Variants in CPAMD8 observed in about 807,000 individuals in gnomAD.
CPAMD8 encodes the protein C3 and PZP-like alpha-2-macroglobulin domain-containing protein 8.
A neutral mutation model predicts 224.7 loss-of-function variants in CPAMD8; 146 were observed. The ratio of observed to expected loss-of-function variants is 0.65; its 90% CI spans 0.57 to 0.75. The LOEUF (loss-of-function observed/expected upper bound fraction) is 0.75, where lower values mean the gene tolerates loss of function less well. Ranked by LOEUF, CPAMD8 falls within the 30% of genes least tolerant of loss-of-function variation. The pLI is 0.00. For synonymous variants in CPAMD8, 966 were observed against 1,044.6 expected, an observed-to-expected ratio of 0.92 and a Z score of 1.45; for missense variants, 2,301 against 2,537.5, an observed-to-expected ratio of 0.91 and a Z score of 2.00.
chr19:16,933,079 G>A (rs1271007867), intron 23 of CPAMD8, among the ~76,000 whole-genome samples: 1 of 152,016 alleles, frequency 6.6e-6, no homozygotes, highest in Non-Finnish European at 1.5e-5. Flanking sequence ...GAGGCCAGGA[G>A]TTCAAGACCA....
chr19:16,906,407 T>TTTCCTTCCTTCCTTCCTTCCTTCCTTCC (rs553500267), intron 30 of CPAMD8, among the ~76,000 whole-genome samples: 8 of 69,886 alleles, frequency 1.1e-4, no homozygotes, highest in Non-Finnish European at 1.4e-4. Flanking sequence ...TCTTTCTTTC[T>TTTCCTTCCTTCCTTCCTTCCTTCCTTCC]TTCCTTCCTT....
intron 8 of CPAMD8, among the ~76,000 whole-genome samples, chr19:17,003,434 G>A (rs1278484311): frequency 6.6e-6 from 1 of 151,622 alleles, no homozygotes; most frequent in Non-Finnish European, 1.5e-5. Context: ...CTGGCCTCAA[G>A]CGATCCTCCA....
At chr19:16,970,507 C>A (rs1334068797) in intron 18 of CPAMD8, among the ~76,000 whole-genome samples, 2 of 151,798 alleles carry the variant, frequency 1.3e-5, no homozygotes, top group African/African-American at 4.8e-5. Flanking sequence ...ATCACTTGAA[C>A]CTGGGAGGTG....
intron 22 of CPAMD8, among the ~76,000 whole-genome samples, chr19:16,939,149 TTTTATTTATTTATTTATTTATTTA>T (rs35025434): frequency 1.4e-5 from 2 of 146,798 alleles, no homozygotes; most frequent in East Asian, 2.0e-4. Context: ...GGATGGTCAA[TTTTATTTATTTATTTATTTATTTA>T]TTTATTTATT....
At chr19:16,980,727 A>G in intron 13 of CPAMD8, 41 bp from the exon 14 acceptor site, 1 of 1,454,112 alleles carries the variant, frequency 6.9e-7, no homozygotes, top group Non-Finnish European at 9.2e-7. Context: ...GCCTCGCACC[A>G]ATGTTGCAAC....
intron 22 of CPAMD8, among the ~76,000 whole-genome samples, chr19:16,942,013 C>T (rs901129269): frequency 5.9e-5 from 9 of 151,906 alleles, no homozygotes; most frequent in African/African-American, 1.9e-4. Flanking sequence ...TGTGAAGCAC[C>T]TCCCCTTCCC....
At position 16,986,263 on chromosome 19, in the gene CPAMD8, T is replaced by C. The variant is rs139800757; in HGVS notation, c.1395+3380A>G. 7.6e-3 allele frequency among the ~76,000 whole-genome samples: 1,163 copies of C among 152,222 alleles called. 16 individuals carry two copies. The highest frequency in any genetic ancestry group is 0.026 in the African/African-American group (1,074 of 41,548). ...CCAGCATGAACCCATCTTCCCTCCA[T>C]GCCCTGAGGTTGTGCCCGGGCCCCT... On this transcript the variant is annotated intron_variant, in intron 13 of 41. Coordinates refer to ENST00000443236, the MANE Select transcript of CPAMD8 (RefSeq NM_015692.5).
At chr19:17,021,191 A>C (rs1181481742) in intron 2 of CPAMD8, among the ~76,000 whole-genome samples, 1 of 152,196 alleles carries the variant, frequency 6.6e-6, no homozygotes. Flanking sequence ...ACCTGGTTGC[A>C]TCAAGAGGTA....
chr19:16,895,690 A>C (rs960753325), intron 41 of CPAMD8: 1 of 346,902 alleles, frequency 2.9e-6, no homozygotes, highest in African/African-American at 2.1e-5. Flanking sequence ...GAAATGTTCC[A>C]AAATCCAAGT....
At chr19:16,942,886 T>C (rs2122206782) in intron 22 of CPAMD8, among the ~76,000 whole-genome samples, 1 of 152,360 alleles carries the variant, frequency 6.6e-6, no homozygotes, top group East Asian at 1.9e-4. Context: ...TCTAAAGCCT[T>C]GTAGTACAGA....
chr19:16,956,607 A>G lies in CPAMD8; in HGVS notation c.2276+1246T>C, dbSNP rs1000114023. Among the ~76,000 whole-genome samples the G allele has an allele frequency of 2.0e-5, 3 of 152,162 alleles. No individual in the cohort carries two copies. In the East Asian group the frequency reaches 5.8e-4, roughly 29 times the overall value. On this transcript the variant is annotated intron_variant, in intron 19 of 41. Transcript: ENST00000443236. ...CACGTTGAGAGGCCAAGACAGGAAG[A>G]TCACTTGAGGCCAGGAGTTTCAGAC...
chr19:16,942,199 T>C (rs1361004539), intron 22 of CPAMD8, among the ~76,000 whole-genome samples: 3 of 151,612 alleles, frequency 2.0e-5, no homozygotes, highest in Non-Finnish European at 2.9e-5. Context: ...CAGTGGCTCA[T>C]GCCTGTAATC....
intron 18 of CPAMD8, among the ~76,000 whole-genome samples, chr19:16,969,497 C>T (rs562822947): frequency 6.6e-6 from 1 of 152,266 alleles, no homozygotes; most frequent in African/African-American, 2.4e-5. Context: ...AAATCTTAAC[C>T]TCCGAGGTGA....
chr19:17,002,549 G>A (rs1454738954), intron 8 of CPAMD8, 199 bp from the exon 9 acceptor site: 8 of 488,240 alleles, frequency 1.6e-5, no homozygotes, highest in Non-Finnish European at 3.0e-5. Flanking sequence ...GGGGGACTAG[G>A]ACCCCATTTT....
At chr19:17,018,029 T>TA (rs35265697) in intron 3 of CPAMD8, among the ~76,000 whole-genome samples, 13,782 of 132,834 alleles carry the variant, frequency 0.1, 815 homozygotes, top group African/African-American at 0.19. Context: ...CAAGACTGCT[T>TA]AAAAAAAAAA....
chr19:17,002,542 G>T, intron 8 of CPAMD8, 192 bp from the exon 9 acceptor site: 1 of 499,428 alleles, frequency 2.0e-6, no homozygotes, highest in Non-Finnish European at 3.6e-6. Flanking sequence ...CATCTTTGGG[G>T]GACTAGGACC....
At chr19:16,896,739 G>A (rs959114710) in intron 39 of CPAMD8, 74 bp from the exon 40 acceptor site, 5 of 1,111,942 alleles carry the variant, frequency 4.5e-6, no homozygotes, top group Middle Eastern at 3.2e-4. Flanking sequence ...CTGGGGGTGG[G>A]GAAGATGTCC....
intron 10 of CPAMD8, among the ~76,000 whole-genome samples, chr19:16,999,307 G>A (rs568084022): frequency 3.3e-5 from 5 of 151,998 alleles, no homozygotes; most frequent in East Asian, 1.9e-4. Flanking sequence ...GTGGCCAGGC[G>A]CAGTGGCTCA....
intron 18 of CPAMD8, among the ~76,000 whole-genome samples, chr19:16,962,094 A>G (rs1168664411): frequency 6.6e-6 from 1 of 152,258 alleles, no homozygotes; most frequent in Middle Eastern, 3.2e-3. Context: ...ATACAAGAGC[A>G]GAAAAGCTGA....
Sources: gnomAD v4.1 joint callset for allele counts (sites outside exome capture counted in the v4.1 genomes callset) on GRCh38, gnomAD v4.1.1 for gene constraint, MANE v1.5 for transcripts, NCBI Gene and HGNC (gene_info 2026-07-23, HGNC 2026-07-21) for gene names.